The following SIPA1L2 variants were observed in gnomAD, a reference collection of about 807,000 sequenced individuals.
SIPA1L2 encodes signal-induced proliferation-associated 1-like protein 2.
Under a neutral mutation model 163.9 loss-of-function variants are expected in SIPA1L2, and 56 were observed. The ratio of observed to expected loss-of-function variants is 0.34; its 90% CI spans 0.28 to 0.43. SIPA1L2 has a LOEUF of 0.43. Ranked by LOEUF, SIPA1L2 falls within the 20% of genes least tolerant of loss-of-function variation. SIPA1L2 has a pLI of 1.00. For missense variants in SIPA1L2, 1,974 were observed against 2,193.5 expected, an observed-to-expected ratio of 0.90 and a Z score of 2.00; for synonymous variants, 877 against 865.7, an observed-to-expected ratio of 1.01 and a Z score of -0.23.
At chr1:232,535,246 G>GT (rs200998811) in intron 2 of SIPA1L2, among the ~76,000 whole-genome samples, 5 of 151,734 alleles carry the variant, frequency 3.3e-5, no homozygotes, top group African/African-American at 9.7e-5. Flanking sequence ...CACAACATAT[G>GT]TTTTTTTTTA....
intron 7 of SIPA1L2, among the ~76,000 whole-genome samples, chr1:232,474,749 A>C (rs1664955434): frequency 6.6e-6 from 1 of 152,136 alleles, no homozygotes; most frequent in Non-Finnish European, 1.5e-5. Flanking sequence ...ATTATATATC[A>C]GTAAAAAAAA....
chr1:232,418,224 A>G (rs1661371933), intron 18 of SIPA1L2, among the ~76,000 whole-genome samples: 1 of 152,196 alleles, frequency 6.6e-6, no homozygotes, highest in African/African-American at 2.4e-5. Context: ...GAGAAAAATA[A>G]CACAGTAGAC....
intron 2 of SIPA1L2, among the ~76,000 whole-genome samples, chr1:232,526,557 G>C (rs1349032839): frequency 6.6e-6 from 1 of 152,216 alleles, no homozygotes; most frequent in Non-Finnish European, 1.5e-5. Context: ...GCGGAGCTCA[G>C]GCAGTAATGC....
chr1:232,443,500 C>T (rs1162182075), intron 12 of SIPA1L2, 102 bp downstream of exon 12: 1 of 821,442 alleles, frequency 1.2e-6, no homozygotes, highest in African/African-American at 1.7e-5. Flanking sequence ...ATTATATTCC[C>T]CACATGGCCC....
At chr1:232,534,975 A>G (rs942699202) in intron 2 of SIPA1L2, among the ~76,000 whole-genome samples, 3 of 152,224 alleles carry the variant, frequency 2.0e-5, no homozygotes, top group African/African-American at 7.2e-5. Context: ...TGGTAGCTTT[A>G]TACTCACAAT....
chr1:232,626,844 G>A (rs553739961), intron 1 of SIPA1L2, among the ~76,000 whole-genome samples: 6 of 152,308 alleles, frequency 3.9e-5, no homozygotes, highest in African/African-American at 1.4e-4. Context: ...TTTTGGTGCT[G>A]AAAGGGATCA....
chr1:232,516,863 A>G (rs1467219304), intron 2 of SIPA1L2, among the ~76,000 whole-genome samples: 5 of 152,208 alleles, frequency 3.3e-5, no homozygotes, highest in Admixed American at 3.3e-4. Flanking sequence ...GCTTTTGTTC[A>G]GAAGAGGTAA....
At chr1:232,468,333 T>C (rs779051790) in intron 8 of SIPA1L2, among the ~76,000 whole-genome samples, 1 of 152,158 alleles carries the variant, frequency 6.6e-6, no homozygotes, top group Non-Finnish European at 1.5e-5. Context: ...CATTCCTTAA[T>C]ATGCACATGA....
At chr1:232,556,442 C>T (rs1289242104) in intron 2 of SIPA1L2, among the ~76,000 whole-genome samples, 1 of 152,174 alleles carries the variant, frequency 6.6e-6, no homozygotes, top group Non-Finnish European at 1.5e-5. Flanking sequence ...TGCAGTTTAA[C>T]ACACCAGCTG....
intron 5 of SIPA1L2, among the ~76,000 whole-genome samples, chr1:232,486,034 C>G (rs1271539092): frequency 2.0e-5 from 3 of 152,334 alleles, no homozygotes; most frequent in Non-Finnish European, 4.4e-5. Context: ...TGTGCCACAT[C>G]ATCTGAAGGC....
At chr1:232,499,985 T>C (rs888278760) in intron 3 of SIPA1L2, among the ~76,000 whole-genome samples, 1 of 151,664 alleles carries the variant, frequency 6.6e-6, no homozygotes, top group South Asian at 2.1e-4. Context: ...TTACTGACTT[T>C]TTTTTTTTTT....
chr1:232,488,930 G>C (rs902249410), intron 5 of SIPA1L2, among the ~76,000 whole-genome samples: 2 of 152,172 alleles, frequency 1.3e-5, no homozygotes, highest in African/African-American at 4.8e-5. Context: ...ATTCACTGAT[G>C]CCTAAAATAG....
intron 2 of SIPA1L2, among the ~76,000 whole-genome samples, chr1:232,527,817 AAACTCCTGGAC>A (rs1667785828): frequency 1.4e-5 from 2 of 141,612 alleles, no homozygotes; most frequent in South Asian, 4.4e-4. Context: ...ACTGCAGCTC[AAACTCCTGGAC>A]TCAAGCGATC....
At chr1:232,440,062 G>A (rs1263979430) in intron 14 of SIPA1L2, among the ~76,000 whole-genome samples, 2 of 152,318 alleles carry the variant, frequency 1.3e-5, no homozygotes, top group Middle Eastern at 3.4e-3. Context: ...CGGTAAACAC[G>A]AAGTATCTCT....
At chr1:232,594,744 T>C (rs780121005) in intron 1 of SIPA1L2, among the ~76,000 whole-genome samples, 12 of 152,184 alleles carry the variant, frequency 7.9e-5, no homozygotes, top group Admixed American at 3.9e-4. Flanking sequence ...CTAAATTTCA[T>C]ATGCTTATTC....
intron 2 of SIPA1L2, among the ~76,000 whole-genome samples, chr1:232,524,256 T>G (rs1399188114): frequency 6.6e-6 from 1 of 152,186 alleles, no homozygotes; most frequent in African/African-American, 2.4e-5. Flanking sequence ...GGGTAAGACA[T>G]GCACATGAAT....
At chr1:232,553,354 G>A (rs1216763580) in intron 2 of SIPA1L2, among the ~76,000 whole-genome samples, 1 of 152,136 alleles carries the variant, frequency 6.6e-6, no homozygotes, top group Non-Finnish European at 1.5e-5. Context: ...ATGGAGCCTG[G>A]GGTTTGGGGT....
chr1:232,477,512 A>T (rs1665106262), intron 7 of SIPA1L2, among the ~76,000 whole-genome samples: 1 of 152,202 alleles, frequency 6.6e-6, no homozygotes, highest in East Asian at 1.9e-4. Flanking sequence ...ACTTCAGGGA[A>T]CAAAACAGAT....
chr1:232,620,134 C>T (rs61823269), intron 1 of SIPA1L2, among the ~76,000 whole-genome samples: 27,032 of 152,220 alleles, frequency 0.18, 2,880 homozygotes, highest in Middle Eastern at 0.29. Flanking sequence ...CCGCCCGCCT[C>T]AGCCTCCCAA....
Sources: gnomAD v4.1 joint callset for allele counts (sites outside exome capture counted in the v4.1 genomes callset) on GRCh38, gnomAD v4.1.1 for gene constraint, MANE v1.5 for transcripts, NCBI Gene and HGNC (gene_info 2026-07-23, HGNC 2026-07-21) for gene names.